LAMA3: variants seen among roughly 807,000 people sequenced by gnomAD.
LAMA3 encodes laminin subunit alpha-3.
LAMA3 carries 281 observed loss-of-function variants against 402.0 expected under a neutral mutation model. The observed-to-expected ratio is 0.70, with a 90% CI of 0.63 to 0.77. LAMA3 has a LOEUF of 0.77. Among genes scored for constraint, LAMA3 ranks in the 30% least tolerant of loss-of-function variants. The pLI is 0.00. For missense variants in LAMA3, 3,840 were observed against 4,215.5 expected, an observed-to-expected ratio of 0.91 and a Z score of 2.47; for synonymous variants, 1,431 against 1,558.4, an observed-to-expected ratio of 0.92 and a Z score of 1.93.
chr18:23,894,498 T>C, intron 43 of LAMA3, 150 bp downstream of exon 43: 1 of 743,524 alleles, frequency 1.3e-6, no homozygotes, highest in Non-Finnish European at 2.4e-6. Flanking sequence ...TCAGCTTCTC[T>C]CTGTATGACC....
At chr18:23,797,160 C>A (rs1377496521) in intron 12 of LAMA3, among the ~76,000 whole-genome samples, 1 of 152,186 alleles carries the variant, frequency 6.6e-6, no homozygotes, top group African/African-American at 2.4e-5. Context: ...TGAGGTGTAC[C>A]TTGCAGTTTG....
Position 23,914,939 on chromosome 18 carries a change from T to C in LAMA3, c.7644+79T>C. 3 of 1,161,242 alleles carry C rather than the reference T, an allele frequency of 2.6e-6. No homozygotes were observed. In the South Asian group the frequency reaches 3.9e-5, roughly 15 times the overall value. 71.9% of individuals were successfully genotyped at this position (1,161,242 alleles called of 1,614,324 possible). A position where few individuals can be genotyped will look rare whatever the true frequency, so the allele number is the denominator to read the frequency against. ...GGTGATGACCTCATGTCTCTAATTG[T>C]TAATTACATATAAAATGGATTTAAC... On this transcript the variant is annotated intron_variant, in intron 58 of 74. Transcript: ENST00000313654.
intron 60 of LAMA3, among the ~76,000 whole-genome samples, chr18:23,917,359 G>A (rs1240102364): frequency 6.6e-6 from 1 of 152,196 alleles, no homozygotes; most frequent in Admixed American, 6.5e-5. Flanking sequence ...ATGGTAGAAC[G>A]ATTTATATTC....
chr18:23,821,915 G>A (rs2063292330), intron 19 of LAMA3, among the ~76,000 whole-genome samples: 1 of 152,114 alleles, frequency 6.6e-6, no homozygotes, highest in African/African-American at 2.4e-5. Context: ...AGCCAGTGGT[G>A]GTTGCTCCGT....
At chr18:23,783,363 G>GC (rs1301252313) in intron 11 of LAMA3, among the ~76,000 whole-genome samples, 1 of 152,090 alleles carries the variant, frequency 6.6e-6, no homozygotes, top group Non-Finnish European at 1.5e-5. Flanking sequence ...GAGGAAAGTG[G>GC]GGGGGCCATT....
chr18:23,912,251 A>T (rs961996975), intron 55 of LAMA3, among the ~76,000 whole-genome samples: 3 of 150,968 alleles, frequency 2.0e-5, no homozygotes, highest in African/African-American at 7.3e-5. Flanking sequence ...CTCCCACCTC[A>T]GCCTCCCAAA....
intron 34 of LAMA3, among the ~76,000 whole-genome samples, chr18:23,861,321 A>C (rs554912802): frequency 1.3e-5 from 2 of 152,300 alleles, no homozygotes; most frequent in African/African-American, 4.8e-5. Context: ...TAAATGCGCC[A>C]TGGTCCTAGT....
At chr18:23,912,005 TAA>T (rs2081443911) in intron 55 of LAMA3, among the ~76,000 whole-genome samples, 1 of 145,504 alleles carries the variant, frequency 6.9e-6, no homozygotes, top group African/African-American at 2.5e-5. Context: ...TATTTATATA[TAA>T]ATATATATAA....
In LAMA3 at chr18:23,753,815, A is replaced by G; in HGVS notation, c.947+3A>G. The stretch of plus-strand genomic sequence containing the variant: ...AATATAAACAATCCTGAAAAACTGT[A>G]AGTACACTGTACAGATTTTTTTCAG... On this transcript the variant is annotated splice_donor_region_variant and intron_variant, in intron 6 of 74. Coordinates refer to ENST00000313654, the MANE Select transcript of LAMA3 (RefSeq NM_198129.4). 1 of 1,601,310 alleles carries G rather than the reference A, an allele frequency of 6.2e-7. No individual in the cohort carries two copies. Among genetic ancestry groups the G allele is most frequent in the Non-Finnish European group, 8.6e-7 (1 of 1,168,376 alleles).
intron 74 of LAMA3, among the ~76,000 whole-genome samples, chr18:23,953,675 G>C (rs1227821638): frequency 6.6e-6 from 1 of 152,122 alleles, no homozygotes; most frequent in African/African-American, 2.4e-5. Flanking sequence ...TTCTTAAGAG[G>C]TTGCATTAAC....
chr18:23,806,672 A>C (rs2144243062), intron 12 of LAMA3, among the ~76,000 whole-genome samples: 1 of 152,282 alleles, frequency 6.6e-6, no homozygotes, highest in East Asian at 1.9e-4. Flanking sequence ...TTCCTTCCCA[A>C]TCTATGCCCC....
chr18:23,744,708 T>C (rs1166327188), intron 2 of LAMA3, among the ~76,000 whole-genome samples: 1 of 151,644 alleles, frequency 6.6e-6, no homozygotes, highest in Non-Finnish European at 1.5e-5. Context: ...GGCAGGTGCC[T>C]GTGGTCCCAG....
At chr18:23,914,335 G>A in intron 56 of LAMA3, 75 bp from the exon 57 acceptor site, 1 of 1,503,000 alleles carries the variant, frequency 6.7e-7, no homozygotes, top group Non-Finnish European at 9.3e-7. Flanking sequence ...TATTTGAAAT[G>A]CATCCTCATC....
intron 69 of LAMA3, among the ~76,000 whole-genome samples, chr18:23,944,910 T>G (rs2055723441): frequency 6.6e-6 from 1 of 152,144 alleles, no homozygotes; most frequent in South Asian, 2.1e-4. Flanking sequence ...CAAGGCGGGC[T>G]GATCACAAGG....
chr18:23,778,816 G>A (rs1348964842), intron 11 of LAMA3, among the ~76,000 whole-genome samples: 1 of 152,258 alleles, frequency 6.6e-6, no homozygotes, highest in Non-Finnish European at 1.5e-5. Flanking sequence ...CAGCAGAGAA[G>A]ATGGTTTCTG....
intron 68 of LAMA3, 28 bp from the exon 69 acceptor site, chr18:23,943,760 T>C: frequency 3.7e-6 from 6 of 1,610,846 alleles, no homozygotes; most frequent in Non-Finnish European, 5.1e-6. Context: ...ACACCTCTAT[T>C]TCCCTTCATC....
chr18:23,796,796 C>A (rs1239328817), intron 12 of LAMA3, among the ~76,000 whole-genome samples: 1 of 152,102 alleles, frequency 6.6e-6, no homozygotes, highest in African/African-American at 2.4e-5. Flanking sequence ...CACCTCTGCT[C>A]CCAAAGTGCT....
chr18:23,717,719 A>ATTTTTTTTTTTTTT lies in LAMA3; in HGVS notation c.447+3647_447+3648insTTTTTTTTTTTTTT, dbSNP rs1568109215. ...AGGTGCCCACCACCATGCCTGGCTA[A>ATTTTTTTTTTTTTT]ATTTTTTTTTTTTTTTTTTTTTTTT... is the stretch of plus-strand genomic sequence containing the variant. On this transcript the variant is annotated intron_variant, in intron 2 of 74. Transcript: ENST00000313654. Among the ~76,000 whole-genome samples the ATTTTTTTTTTTTTT allele has an allele frequency of 1.7e-5, 2 of 116,806 alleles. 1 individual carries two copies. Among genetic ancestry groups the ATTTTTTTTTTTTTT allele is most frequent in the African/African-American group, 7.8e-5 (2 of 25,646 alleles). 76.6% of individuals were successfully genotyped at this position (116,806 alleles called of 152,430 possible).
At chr18:23,904,458 GA>G (rs2081175913) in intron 50 of LAMA3, 94 bp from the exon 51 acceptor site, 2 of 1,301,330 alleles carry the variant, frequency 1.5e-6, no homozygotes, top group Non-Finnish European at 2.1e-6. Context: ...AAAAAAGAAA[GA>G]AAAAATAAAA....
Sources: gnomAD v4.1 joint callset for allele counts (sites outside exome capture counted in the v4.1 genomes callset) on GRCh38, gnomAD v4.1.1 for gene constraint, MANE v1.5 for transcripts, NCBI Gene and HGNC (gene_info 2026-07-23, HGNC 2026-07-21) for gene names.